Variants in ARB2A observed in about 807,000 individuals in gnomAD.
ARB2A encodes ARB2 cotranscriptional regulator A.
chr5:93,775,661 G>C, the ARB2A span, among the ~76,000 whole-genome samples: 1 of 152,128 alleles, frequency 6.6e-6, no homozygotes, highest in Non-Finnish European at 1.5e-5. Context: ...AAATTGCTCT[G>C]TCTCCTTTGC....
chr5:94,110,153 A>AGGATTAC, the ARB2A span, among the ~76,000 whole-genome samples: 4 of 152,074 alleles, frequency 2.6e-5, no homozygotes, highest in African/African-American at 9.7e-5. Context: ...CCAAAATGCT[A>AGGATTAC]GGATTACAGG....
At chr5:93,746,133 T>A in the ARB2A span, among the ~76,000 whole-genome samples, 2 of 152,204 alleles carry the variant, frequency 1.3e-5, no homozygotes, top group Non-Finnish European at 2.9e-5. Context: ...CAATCCTTTG[T>A]GTGGATCTTT....
At chr5:93,790,014 A>C in the ARB2A span, among the ~76,000 whole-genome samples, 2 of 152,210 alleles carry the variant, frequency 1.3e-5, no homozygotes, top group Non-Finnish European at 1.5e-5. Flanking sequence ...CACAATTTCT[A>C]TTTTGAAAGT....
the ARB2A span, among the ~76,000 whole-genome samples, chr5:94,100,139 C>T: frequency 1.2e-4 from 18 of 152,178 alleles, no homozygotes; most frequent in Non-Finnish European, 2.2e-4. Flanking sequence ...TCCTACAGAC[C>T]GACAACAACC....
the ARB2A span, chr5:93,805,316 T>C: frequency 3.0e-6 from 3 of 985,142 alleles, no homozygotes; most frequent in Non-Finnish European, 3.6e-6. Flanking sequence ...CTTCACTATA[T>C]AAAGGAAAAA....
chr5:93,637,400 A>G, the ARB2A span, among the ~76,000 whole-genome samples: 1 of 140,322 alleles, frequency 7.1e-6, no homozygotes, highest in African/African-American at 2.6e-5. Context: ...AAGCTGCTAA[A>G]ACATTCATGT....
At chr5:93,738,638 T>C in the ARB2A span, 1 of 152,218 alleles carries the variant, frequency 6.6e-6, no homozygotes, top group Admixed American at 6.5e-5. Context: ...AAAAAAGGAA[T>C]GAAGTTCTGA....
At chr5:93,716,478 A>C in the ARB2A span, among the ~76,000 whole-genome samples, 1 of 152,148 alleles carries the variant, frequency 6.6e-6, no homozygotes, top group Non-Finnish European at 1.5e-5. Flanking sequence ...ATGAGTGATC[A>C]AGAGAAAATG....
the ARB2A span, among the ~76,000 whole-genome samples, chr5:93,644,793 A>C: frequency 6.1e-3 from 936 of 152,334 alleles, 4 homozygotes; most frequent in Non-Finnish European, 0.011. Flanking sequence ...AACAAATACA[A>C]TGACCTGTGC....
the ARB2A span, among the ~76,000 whole-genome samples, chr5:93,679,347 A>G: frequency 3.3e-5 from 5 of 152,064 alleles, no homozygotes; most frequent in Non-Finnish European, 1.5e-5. Context: ...TAAATTACAC[A>G]TAATTTTAAA....
At chr5:93,679,581 G>A in the ARB2A span, among the ~76,000 whole-genome samples, 22 of 152,164 alleles carry the variant, frequency 1.4e-4, no homozygotes, top group Admixed American at 5.2e-4. Context: ...TTCTTATGCA[G>A]TAACACCACA....
At chr5:93,784,292 T>C in the ARB2A span, 23 of 758,702 alleles carry the variant, frequency 3.0e-5, no homozygotes, top group Middle Eastern at 2.4e-4. Context: ...GAAAGGGAGT[T>C]TGAGGATGGG....
chr5:93,903,741 G>GTA, the ARB2A span, among the ~76,000 whole-genome samples: 2 of 151,240 alleles, frequency 1.3e-5, no homozygotes, highest in African/African-American at 4.9e-5. Context: ...GTGTGTGTGT[G>GTA]TGTATAGTCC....
chr5:93,878,131 T>C, the ARB2A span, among the ~76,000 whole-genome samples: 3 of 152,140 alleles, frequency 2.0e-5, no homozygotes, highest in African/African-American at 7.2e-5. Flanking sequence ...TCAACAATTG[T>C]AGTGCTGTTT....
chr5:93,795,769 C>G, the ARB2A span, among the ~76,000 whole-genome samples: 2 of 151,438 alleles, frequency 1.3e-5, no homozygotes, highest in Non-Finnish European at 2.9e-5. Flanking sequence ...CCATATTAAC[C>G]CACTAAATGT....
chr5:93,994,540 C>T, the ARB2A span, among the ~76,000 whole-genome samples: 1 of 152,088 alleles, frequency 6.6e-6, no homozygotes, highest in Non-Finnish European at 1.5e-5. Flanking sequence ...TGGTGTTCAA[C>T]GGGTACATAT....
At chr5:93,683,798 C>T in the ARB2A span, 17 of 1,197,028 alleles carry the variant, frequency 1.4e-5, no homozygotes, top group South Asian at 2.6e-5. Context: ...CCGCGCAGGA[C>T]GGAATCACAC....
the ARB2A span, among the ~76,000 whole-genome samples, chr5:93,991,598 G>T: frequency 6.6e-6 from 1 of 151,584 alleles, no homozygotes; most frequent in Non-Finnish European, 1.5e-5. Context: ...AATAAAAAAT[G>T]GAACTGCCAA....
At chr5:94,051,688 G>A in the ARB2A span, among the ~76,000 whole-genome samples, 2 of 152,136 alleles carry the variant, frequency 1.3e-5, no homozygotes, top group Non-Finnish European at 2.9e-5. Flanking sequence ...TCCATTTTAC[G>A]TGCCAAAGAG....
Sources: allele counts gnomAD v4.1 joint callset (sites outside exome capture counted in the v4.1 genomes callset), GRCh38; gene constraint gnomAD v4.1.1; transcripts MANE v1.5; gene names NCBI Gene and HGNC (gene_info 2026-07-23, HGNC 2026-07-21).